The following STRAP variants were observed in gnomAD, a reference collection of about 807,000 sequenced individuals.
STRAP encodes the protein serine-threonine kinase receptor-associated protein.
In STRAP, 16 loss-of-function variants were observed where a neutral mutation model predicts 47.0. The ratio of observed to expected loss-of-function variants is 0.34; its 90% CI spans 0.23 to 0.52. The LOEUF is 0.52. STRAP is among the 20% of genes least tolerant of loss of function. The probability of loss-of-function intolerance (pLI) is 0.96; values close to 1 mark genes in which losing one functional copy is unlikely to be tolerated. For synonymous variants in STRAP, 130 were observed against 142.7 expected (o/e 0.91, Z 0.63); for missense variants, 293 against 420.0 (o/e 0.70, Z 2.64).
chr12:15,890,451 G>GT lies in STRAP; in HGVS notation c.331-145dup. On this transcript the variant is annotated intron_variant, in intron 3 of 9. Transcript: ENST00000419869. The surrounding 1 kb of genome is among the most constrained non-coding windows in gnomAD (Gnocchi z 4.5). ...GTTATGAGAGGTCAGCTGTTCCACA[G>GT]TATCTTCTCAGAAGTAATTGGTTAT... The GT allele has an allele frequency of 1.4e-6, 1 of 702,088 alleles. No homozygotes were observed. The highest frequency in any genetic ancestry group is 1.7e-5 in the South Asian group (1 of 57,398). 43.5% of individuals were successfully genotyped at this position (702,088 alleles called of 1,614,324 possible). A position where few individuals can be genotyped will look rare whatever the true frequency, so the allele number is the denominator to read the frequency against.
intron 7 of STRAP, among the ~76,000 whole-genome samples, chr12:15,898,931 G>C (rs2136113280): frequency 6.6e-6 from 1 of 152,282 alleles, no homozygotes; most frequent in Non-Finnish European, 1.5e-5. Context: ...TGGAACCTTG[G>C]TGATGGACCA....
chr12:15,901,038 T>C, intron 9 of STRAP, 26 bp downstream of exon 9: 1 of 1,560,718 alleles, frequency 6.4e-7, no homozygotes. Context: ...TTGACTTTTG[T>C]AAGAGTCTTG....
rs1368360222 is a variant in STRAP at position 15,899,951 on chromosome 12, C to G, written c.823C>G (p.Pro275Ala). ...FGPIHCVRFS[P>A]DGELYASGSE... ...TCCTATTCACTGTGTGAGATTTAGT[C>G]CTGATGGAGAACTCTATGCCAGTGG... The change falls in exon 8 of 10, where the codon CCT becomes GCT. Residue 275 changes from proline (P) to alanine (A), a missense_variant. Pro to Ala is a conservative substitution (Grantham distance 27). Around this residue, in one of 5 missense-constraint regions of STRAP, gnomAD observed 26 missense variants for 76.7 expected, o/e 0.34. Transcript: ENST00000419869. 1 of 1,613,206 alleles carries G rather than the reference C, an allele frequency of 6.2e-7. No homozygotes were observed. The highest frequency in any genetic ancestry group is 8.5e-7 in the Non-Finnish European group (1 of 1,179,736).
intron 1 of STRAP, 177 bp downstream of exon 1, chr12:15,882,996 G>C (rs1359365498): frequency 1.4e-6 from 2 of 1,467,360 alleles, no homozygotes; most frequent in African/African-American, 1.4e-5. Flanking sequence ...GGAATCCGCA[G>C]CTGGAGCCGA....
intron 4 of STRAP, among the ~76,000 whole-genome samples, chr12:15,893,512 AATAT>A (rs1398792502): frequency 6.8e-6 from 1 of 146,788 alleles, no homozygotes; most frequent in Admixed American, 6.8e-5. Flanking sequence ...ACATATAATA[AATAT>A]ATACTTTTTA....
chr12:15,893,973 T>C (rs1312010235), intron 4 of STRAP, 74 bp from the exon 5 acceptor site: 2 of 1,180,350 alleles, frequency 1.7e-6, no homozygotes, highest in African/African-American at 1.5e-5. Context: ...TTTAAAAATA[T>C]ATAATTGTTC....
intron 4 of STRAP, 146 bp from the exon 5 acceptor site, chr12:15,893,901 A>AT: frequency 3.2e-6 from 2 of 634,608 alleles, no homozygotes; most frequent in Non-Finnish European, 5.5e-6. Context: ...TATTCTATAT[A>AT]AACATCAAGT....
chr12:15,884,696 G>A (rs116688443), intron 2 of STRAP, among the ~76,000 whole-genome samples: 3,014 of 152,112 alleles, frequency 0.02, 99 homozygotes, highest in African/African-American at 0.069. Context: ...TACTGTGCCT[G>A]GTACAGAAAT....
In STRAP at chr12:15,902,965, A is replaced by G. The variant is rs1166953541; in HGVS notation, c.1040A>G (p.Asp347Gly). ...GATTGCATCTTTCCTTCAGCTCCTG[A>G]TGTTAAGGCCTGAGCGTCAATCATA... Reference protein sequence around the residue: ...NSDCIFPSAPDVKA With the variant: ...NSDCIFPSAPGVKA Residue 347 changes from aspartate to glycine, a missense_variant, in exon 10 of 10, where the codon GAT becomes GGT. This residue lies in a region of STRAP where 52 missense variants were observed against 45.0 expected (regional missense o/e 1.16). Coordinates refer to ENST00000419869, the MANE Select transcript of STRAP (RefSeq NM_007178.4). The G allele has an allele frequency of 6.8e-7, 1 of 1,471,854 alleles. No homozygotes were observed. The highest frequency in any genetic ancestry group is 2.5e-5 in the East Asian group (1 of 40,454). The allele number at this position is 1,471,854 out of a possible 1,614,324, so 91.2% of individuals were successfully genotyped here. A position where few individuals can be genotyped will look rare whatever the true frequency, so the allele number is the denominator to read the frequency against.
At position 15,882,609 on chromosome 12, in the gene STRAP, G is replaced by C. The variant is rs1372863046; in HGVS notation, c.-99G>C. 27 of 1,019,182 alleles carry C rather than the reference G, an allele frequency of 2.6e-5. No homozygotes were observed. Among genetic ancestry groups the C allele is most frequent in the Non-Finnish European group, 4.0e-5 (27 of 681,384 alleles). 63.1% of individuals were successfully genotyped at this position (1,019,182 alleles called of 1,614,324 possible). A position where few individuals can be genotyped will look rare whatever the true frequency, so the allele number is the denominator to read the frequency against. ...GTTGCCCAGCCCAGCCCTAGTGTCAGGGCGGGGGCCTGGAGCAGCCCGAGG... is the reference window on the plus strand; with the variant it reads ...GTTGCCCAGCCCAGCCCTAGTGTCACGGCGGGGGCCTGGAGCAGCCCGAGG... On this transcript the variant is annotated 5_prime_UTR_variant, in exon 1 of 10. Coordinates refer to ENST00000419869, the MANE Select transcript of STRAP (RefSeq NM_007178.4).
At chr12:15,897,266 A>G (rs1350557154) in intron 6 of STRAP, among the ~76,000 whole-genome samples, 1 of 152,196 alleles carries the variant, frequency 6.6e-6, no homozygotes, top group Non-Finnish European at 1.5e-5. Context: ...TGAAAAAGCT[A>G]ATGTCCAAAC....
intron 8 of STRAP, among the ~76,000 whole-genome samples, chr12:15,900,319 C>G (rs1332501507): frequency 6.6e-6 from 1 of 151,834 alleles, no homozygotes; most frequent in South Asian, 2.1e-4. Flanking sequence ...ATCACAGGGT[C>G]AGGAGTTCGA....
rs1322884866 is a variant in STRAP, at chr12:15,894,494, C to T, written c.500+351C>T. Among the ~76,000 whole-genome samples, 1 of 152,116 alleles carries T rather than the reference C, an allele frequency of 6.6e-6. No homozygotes were observed. The highest frequency in any genetic ancestry group is 1.5e-5 in the Non-Finnish European group (1 of 68,026). ...AACTTAAAATTTGCAAAATATTTTACCTTAGAGCTTATATTTTAAATACAT... is the reference window on the plus strand; with the variant it reads ...AACTTAAAATTTGCAAAATATTTTATCTTAGAGCTTATATTTTAAATACAT... On this transcript the variant is annotated intron_variant, in intron 5 of 9. Coordinates refer to ENST00000419869, the MANE Select transcript of STRAP (RefSeq NM_007178.4). The surrounding 1 kb of genome is among the most constrained non-coding windows in gnomAD (Gnocchi z 4.9).
chr12:15,900,089 A>C, intron 8 of STRAP, 36 bp downstream of exon 8: 1 of 1,571,526 alleles, frequency 6.4e-7, no homozygotes, highest in Non-Finnish European at 8.6e-7. Flanking sequence ...AAATTTTTAA[A>C]ATGCATGATT....
At chr12:15,901,158 A>G in intron 9 of STRAP, 146 bp downstream of exon 9, 1 of 525,540 alleles carries the variant, frequency 1.9e-6, no homozygotes, top group East Asian at 3.3e-5. Context: ...GCATGTATAT[A>G]TACATATTTA....
Position 15,890,726 on chromosome 12 carries a change from G to T in STRAP, c.403+57G>T. 1.4e-6 allele frequency: 2 copies of T among 1,429,300 alleles called. No homozygotes were observed. The highest frequency in any genetic ancestry group is 1.2e-5 in the South Asian group (1 of 80,864). 88.5% of individuals were successfully genotyped at this position (1,429,300 alleles called of 1,614,324 possible). On this transcript the variant is annotated intron_variant, in intron 4 of 9. Coordinates refer to ENST00000419869, the MANE Select transcript of STRAP (RefSeq NM_007178.4). The surrounding 1 kb of genome is among the most constrained non-coding windows in gnomAD (Gnocchi z 4.5). ...TTATTTTCTTTTAATTTAAATAACT[G>T]ATTAAAGAATTTCATGCTCAGTACT... is the stretch of plus-strand genomic sequence containing the variant.
At chr12:15,882,873 T>G in intron 1 of STRAP, 54 bp downstream of exon 1, 1 of 1,546,960 alleles carries the variant, frequency 6.5e-7, no homozygotes. Context: ...CTGAAAGGGA[T>G]CGGGACCCGC....
intron 2 of STRAP, among the ~76,000 whole-genome samples, chr12:15,885,205 T>TTTTTTTTTTTTTTTA (rs1257112484): frequency 6.9e-6 from 1 of 145,006 alleles, no homozygotes; most frequent in African/African-American, 2.6e-5. Flanking sequence ...TTTTTTTTTT[T>TTTTTTTTTTTTTTTA]AAAGACAGAG....
At chr12:15,884,142 A>G (rs1042576549) in intron 2 of STRAP, among the ~76,000 whole-genome samples, 8 of 152,200 alleles carry the variant, frequency 5.3e-5, no homozygotes, top group Non-Finnish European at 1.2e-4. Flanking sequence ...GTCATTTCCT[A>G]AGTTTTTAAA....
Sources: gnomAD v4.1 joint callset for allele counts (sites outside exome capture counted in the v4.1 genomes callset) on GRCh38, gnomAD v4.1.1 for gene constraint, gnomAD v4.1.1 regional missense constraint, Gnocchi (gnomAD v3.1) non-coding constraint, MANE v1.5 for transcripts, NCBI Gene and HGNC (gene_info 2026-07-23, HGNC 2026-07-21) for gene names.